CNGA1: variants seen among roughly 807,000 people sequenced by gnomAD.
The protein encoded by CNGA1 is cyclic nucleotide gated channel subunit alpha 1, also known as cyclic nucleotide-gated channel alpha-1.
A neutral mutation model predicts 69.7 loss-of-function variants in CNGA1; 53 were observed. The ratio of observed to expected loss-of-function variants is 0.76; its 90% CI spans 0.61 to 0.96. The LOEUF (loss-of-function observed/expected upper bound fraction) is 0.96. Among genes scored for constraint, CNGA1 ranks in the 40% least tolerant of loss-of-function variants. CNGA1 has a pLI of 0.00. For synonymous variants in CNGA1, 249 were observed against 283.5 expected (o/e 0.88, Z 1.22); for missense variants, 739 against 811.2 (o/e 0.91, Z 1.08).
At chr4:48,004,463 A>G (rs527880877) in intron 2 of CNGA1, among the ~76,000 whole-genome samples, 6 of 152,258 alleles carry the variant, frequency 3.9e-5, no homozygotes, top group Admixed American at 1.3e-4. Flanking sequence ...TGGACCCTAC[A>G]CTTTTCTTTT....
chr4:47,964,163 C>G (rs976096279), intron 3 of CNGA1, among the ~76,000 whole-genome samples: 1 of 152,152 alleles, frequency 6.6e-6, no homozygotes, highest in African/African-American at 2.4e-5. Flanking sequence ...TGGTATATTT[C>G]CCCACATGCC....
chr4:47,993,027 C>T (rs1742340197), intron 2 of CNGA1, among the ~76,000 whole-genome samples: 1 of 152,234 alleles, frequency 6.6e-6, no homozygotes, highest in Non-Finnish European at 1.5e-5. Flanking sequence ...ATCCCTACAT[C>T]CCTGGTATGA....
chr4:47,938,502 T>C (rs865804376), intron 10 of CNGA1, among the ~76,000 whole-genome samples: 26 of 152,118 alleles, frequency 1.7e-4, no homozygotes, highest in Admixed American at 1.4e-3. Flanking sequence ...AAGCAATTCT[T>C]CTGCCTCAGC....
chr4:47,988,311 G>C (rs1001107254), intron 2 of CNGA1, among the ~76,000 whole-genome samples: 1 of 151,994 alleles, frequency 6.6e-6, no homozygotes. Context: ...AGGCATTGTA[G>C]GCTTTTTTCT....
intron 3 of CNGA1, among the ~76,000 whole-genome samples, chr4:47,968,593 C>T (rs1446753635): frequency 1.3e-5 from 2 of 152,174 alleles, no homozygotes; most frequent in Admixed American, 6.5e-5. Flanking sequence ...ATAGGACACT[C>T]CTACTGCCCC....
chr4:47,995,475 GT>G (rs1414605073), intron 2 of CNGA1, among the ~76,000 whole-genome samples: 1 of 151,978 alleles, frequency 6.6e-6, no homozygotes, highest in Non-Finnish European at 1.5e-5. Flanking sequence ...TGCTCTAAGT[GT>G]GTCCATTGTT....
intron 2 of CNGA1, among the ~76,000 whole-genome samples, chr4:47,984,238 A>G (rs544990450): frequency 2.8e-4 from 42 of 152,286 alleles, no homozygotes; most frequent in African/African-American, 9.6e-4. Flanking sequence ...TCATCTTTAC[A>G]TTGAATGCAC....
chr4:47,951,407 T>A lies in CNGA1; in HGVS notation c.170A>T (p.His57Leu). Reference sequence around the variant, plus strand: ...CTTATAACTAAAGGAACCCCTTGCATGAGGGTTTTCATTCTCTGATTCTTC... The same window carrying A: ...CTTATAACTAAAGGAACCCCTTGCAAGAGGGTTTTCATTCTCTGATTCTTC... ...TSEESENENP[H>L]ARGSFSYKSL... Residue 57 changes from histidine (H) to leucine (L), a missense_variant, in exon 5 of 11, where the codon CAT becomes CTT. His to Leu is a moderately conservative substitution (Grantham distance 99). Coordinates refer to ENST00000514170, the MANE Select transcript of CNGA1 (RefSeq NM_001379270.1). 4.3e-6 allele frequency: 7 copies of A among 1,613,866 alleles called. No individual in the cohort carries two copies. Among genetic ancestry groups the A allele is most frequent in the Non-Finnish European group, 5.1e-6 (6 of 1,179,788 alleles).
intron 2 of CNGA1, among the ~76,000 whole-genome samples, chr4:47,982,806 T>A (rs944038195): frequency 6.6e-6 from 1 of 152,190 alleles, no homozygotes; most frequent in Non-Finnish European, 1.5e-5. Context: ...CATTTCAAAA[T>A]GAACATTCTT....
intron 3 of CNGA1, among the ~76,000 whole-genome samples, chr4:47,955,960 TACA>T (rs1176806516): frequency 6.6e-6 from 1 of 152,224 alleles, no homozygotes; most frequent in Non-Finnish European, 1.5e-5. Flanking sequence ...TCACTAAATT[TACA>T]ACGACTTTGA....
At chr4:47,938,343 G>A (rs962184954) in intron 10 of CNGA1, among the ~76,000 whole-genome samples, 3 of 150,554 alleles carry the variant, frequency 2.0e-5, no homozygotes, top group African/African-American at 7.3e-5. Context: ...TTGGTCCCTG[G>A]CACAGAACTC....
intron 2 of CNGA1, among the ~76,000 whole-genome samples, chr4:47,982,928 C>T (rs1385878095): frequency 6.6e-6 from 1 of 152,102 alleles, no homozygotes; most frequent in Admixed American, 6.5e-5. Context: ...CCTCAGCCTC[C>T]CAAGTAGCTG....
chr4:47,936,569 G>A lies in CNGA1; in HGVS notation c.1913C>T (p.Ala638Val). ...GSVDLLQTRF[A>V]RILAEYESMQ... is the part of the protein sequence containing the mutation. ...GGACTCATACTCAGCCAAGATTCGG[G>A]CAAACCTGGTTTGCAGGAGGTCTAC... is the stretch of plus-strand genomic sequence containing the variant. The change falls in exon 11 of 11, where the codon GCC (alanine) becomes GTC (valine). Residue 638 changes from alanine to valine, a missense_variant. By Grantham distance (64) the Ala-to-Val change is moderately conservative (BLOSUM62 0). Transcript: ENST00000514170. 2 of 1,614,126 alleles carry A rather than the reference G, an allele frequency of 1.2e-6. No homozygotes were observed. The highest frequency in any genetic ancestry group is 1.7e-5 in the Admixed American group (1 of 60,006).
chr4:48,006,771 G>A (rs1206498371), intron 2 of CNGA1, among the ~76,000 whole-genome samples: 1 of 152,002 alleles, frequency 6.6e-6, no homozygotes, highest in East Asian at 1.9e-4. Flanking sequence ...ACAGGTGTGT[G>A]CCACCATGCC....
intron 2 of CNGA1, among the ~76,000 whole-genome samples, chr4:47,998,668 C>T (rs549640651): frequency 5.7e-4 from 87 of 152,180 alleles, no homozygotes; most frequent in Non-Finnish European, 1.2e-3. Context: ...GTCCCAGCTA[C>T]TCAGGAGGCT....
chr4:47,940,960 A>T (rs965120377), intron 9 of CNGA1, 91 bp from the exon 10 acceptor site: 2 of 826,196 alleles, frequency 2.4e-6, no homozygotes, highest in Non-Finnish European at 4.1e-6. Context: ...TATCATGATG[A>T]GAAGCACAGC....
chr4:47,958,286 A>G (rs1740215845), intron 3 of CNGA1, among the ~76,000 whole-genome samples: 1 of 152,054 alleles, frequency 6.6e-6, no homozygotes, highest in Admixed American at 6.5e-5. Context: ...CCCAGGAAAA[A>G]TCCTATTTGG....
intron 5 of CNGA1, 58 bp from the exon 6 acceptor site, chr4:47,949,953 T>C: frequency 1.3e-6 from 2 of 1,519,684 alleles, no homozygotes; most frequent in Admixed American, 1.7e-5. Context: ...ATAATGTCCA[T>C]GGTAGGCAAA....
intron 6 of CNGA1, among the ~76,000 whole-genome samples, chr4:47,946,391 A>G (rs571439808): frequency 6.6e-6 from 1 of 152,340 alleles, no homozygotes; most frequent in African/African-American, 2.4e-5. Context: ...TTTCATTACT[A>G]TCAGGAAAGA....
Sources: gnomAD v4.1 joint callset for allele counts (sites outside exome capture counted in the v4.1 genomes callset) on GRCh38, gnomAD v4.1.1 for gene constraint, MANE v1.5 for transcripts, NCBI Gene and HGNC (gene_info 2026-07-23, HGNC 2026-07-21) for gene names.